The following BBS9 variants were observed in gnomAD, a reference collection of about 807,000 sequenced individuals.
BBS9 encodes the protein protein PTHB1.
In BBS9, 89 loss-of-function variants were observed where a neutral mutation model predicts 117.7. The observed-to-expected ratio is 0.76, with a 90% confidence interval of 0.64 to 0.90. The LOEUF is 0.90. BBS9 is among the 40% of genes least tolerant of loss of function. BBS9 has a pLI of 0.00. For synonymous variants in BBS9, 379 were observed against 370.9 expected (o/e 1.02, Z -0.25); for missense variants, 982 against 1,042.2 (o/e 0.94, Z 0.80).
At chr7:33,459,184 T>C (rs550789385) in intron 19 of BBS9, among the ~76,000 whole-genome samples, 8 of 152,268 alleles carry the variant, frequency 5.3e-5, no homozygotes, top group Admixed American at 5.2e-4. Flanking sequence ...TTGCTTGTTC[T>C]TTAACGCCAG....
At chr7:33,521,599 A>T (rs980311452) in intron 20 of BBS9, among the ~76,000 whole-genome samples, 1 of 148,912 alleles carries the variant, frequency 6.7e-6, no homozygotes, top group Non-Finnish European at 1.5e-5. Flanking sequence ...ATGAGTTGAA[A>T]AAATTAAAGC....
chr7:33,337,982 TAA>T (rs1169605921), intron 10 of BBS9, among the ~76,000 whole-genome samples: 1 of 152,092 alleles, frequency 6.6e-6, no homozygotes, highest in African/African-American at 2.4e-5. Context: ...CCCTTACAGC[TAA>T]AAGTTATTTC....
intron 4 of BBS9, among the ~76,000 whole-genome samples, chr7:33,161,496 A>G (rs1381355038): frequency 6.6e-6 from 1 of 152,190 alleles, no homozygotes; most frequent in African/African-American, 2.4e-5. Context: ...TATATGGGCT[A>G]CATTTTCTTA....
intron 9 of BBS9, among the ~76,000 whole-genome samples, chr7:33,299,181 C>A (rs1442542674): frequency 6.6e-6 from 1 of 152,158 alleles, no homozygotes; most frequent in Non-Finnish European, 1.5e-5. Context: ...CAATTGCATG[C>A]ATACTAAGAC....
chr7:33,247,502 C>A (rs1226359679), intron 5 of BBS9, among the ~76,000 whole-genome samples: 6 of 152,062 alleles, frequency 3.9e-5, no homozygotes, highest in Admixed American at 2.6e-4. Flanking sequence ...ATCCATGTCT[C>A]GATGCATGGT....
At chr7:33,325,386 T>A (rs944982228) in intron 9 of BBS9, among the ~76,000 whole-genome samples, 9 of 152,372 alleles carry the variant, frequency 5.9e-5, no homozygotes, top group African/African-American at 2.2e-4. Flanking sequence ...ATGTCTTCTC[T>A]GTGTTATCTT....
intron 21 of BBS9, among the ~76,000 whole-genome samples, chr7:33,597,127 A>G (rs1184018046): frequency 2.0e-5 from 3 of 151,336 alleles, no homozygotes; most frequent in Non-Finnish European, 4.4e-5. Context: ...AAATTTCTCC[A>G]AATGAATATA....
rs371717336 is a variant in BBS9, at chr7:33,371,246, A to G, written c.1789+3384A>G. On this transcript the variant is annotated intron_variant, in intron 17 of 22. Transcript: ENST00000242067. ...TTATGCTTAAGTAATTATGAGAAAC[A>G]AATTTCACAGAACTTTAGAAAATAA... Among the ~76,000 whole-genome samples, 48 of 152,338 alleles carry G rather than the reference A, an allele frequency of 3.2e-4. No homozygotes were observed. In the South Asian group the frequency reaches 9.7e-3, roughly 31 times the overall value.
At chr7:33,269,681 G>A (rs1049391043) in intron 7 of BBS9, among the ~76,000 whole-genome samples, 2 of 150,556 alleles carry the variant, frequency 1.3e-5, no homozygotes, top group African/African-American at 4.9e-5. Flanking sequence ...AGCCAAGATT[G>A]CACCACCACA....
At chr7:33,617,258 GAC>G (rs1865187480) in intron 21 of BBS9, among the ~76,000 whole-genome samples, 1 of 151,858 alleles carries the variant, frequency 6.6e-6, no homozygotes, top group Non-Finnish European at 1.5e-5. Flanking sequence ...TAAATATAAA[GAC>G]ACATATAGAT....
intron 21 of BBS9, among the ~76,000 whole-genome samples, chr7:33,573,967 G>A (rs1193727962): frequency 6.6e-6 from 1 of 152,058 alleles, no homozygotes; most frequent in Admixed American, 6.6e-5. Flanking sequence ...TTGTCTTCAG[G>A]TGGTTCACTG....
chr7:33,496,116 T>C (rs1844667394), intron 19 of BBS9, among the ~76,000 whole-genome samples: 1 of 152,158 alleles, frequency 6.6e-6, no homozygotes, highest in Admixed American at 6.5e-5. Flanking sequence ...GGTCTCTTTT[T>C]ATGAAGACAA....
At chr7:33,420,145 G>A (rs919523740) in intron 19 of BBS9, among the ~76,000 whole-genome samples, 1 of 152,122 alleles carries the variant, frequency 6.6e-6, no homozygotes, top group Non-Finnish European at 1.5e-5. Flanking sequence ...AAGAGATTTT[G>A]GGGTCAGACA....
At chr7:33,323,862 G>A (rs1347825593) in intron 9 of BBS9, among the ~76,000 whole-genome samples, 1 of 122,262 alleles carries the variant, frequency 8.2e-6, no homozygotes, top group Non-Finnish European at 1.6e-5. Flanking sequence ...TTTTGAGACA[G>A]GGTCTTGCTC....
intron 21 of BBS9, among the ~76,000 whole-genome samples, chr7:33,584,919 T>C (rs972266200): frequency 3.3e-5 from 5 of 152,144 alleles, no homozygotes; most frequent in Non-Finnish European, 7.4e-5. Flanking sequence ...TAATTATTTT[T>C]CCTTTATATT....
chr7:33,501,242 A>C (rs556031411), intron 19 of BBS9, among the ~76,000 whole-genome samples: 1 of 152,126 alleles, frequency 6.6e-6, no homozygotes, highest in African/African-American at 2.4e-5. Context: ...TCTTTTTACT[A>C]TGTTAATTCT....
chr7:33,379,763 C>G (rs1457814615), intron 17 of BBS9, among the ~76,000 whole-genome samples: 2 of 152,064 alleles, frequency 1.3e-5, no homozygotes, highest in Admixed American at 1.3e-4. Context: ...CAATAAGTAA[C>G]ATTTATTGAG....
chr7:33,497,177 T>G (rs988397832), intron 19 of BBS9, among the ~76,000 whole-genome samples: 1 of 152,122 alleles, frequency 6.6e-6, no homozygotes, highest in Non-Finnish European at 1.5e-5. Context: ...TGGCTAAAGG[T>G]GAACTGGAGC....
Position 33,605,197 on chromosome 7 carries a change from G to A in BBS9, c.2635G>A (p.Val879Ile). 2 of 1,611,952 alleles carry A rather than the reference G, an allele frequency of 1.2e-6. No individual in the cohort carries two copies. The highest frequency in any genetic ancestry group is 1.7e-6 in the Non-Finnish European group (2 of 1,178,284). The change falls in exon 23 of 23, where the codon GTT becomes ATT. Residue 879 changes from valine to isoleucine, a missense_variant and splice_region_variant. Transcript: ENST00000242067. ...HLTAETPRPE[V>I]SPLQGVSE ...TCTCTTACTCTCTTTTTTTCCAGAAGTTTCACCCCTCCAAGGAGTCTCGGA... is the reference window on the plus strand; with the variant it reads ...TCTCTTACTCTCTTTTTTTCCAGAAATTTCACCCCTCCAAGGAGTCTCGGA...
Sources: gnomAD v4.1 joint callset for allele counts (sites outside exome capture counted in the v4.1 genomes callset) on GRCh38, gnomAD v4.1.1 for gene constraint, MANE v1.5 for transcripts, NCBI Gene and HGNC (gene_info 2026-07-23, HGNC 2026-07-21) for gene names.